PLXDC2: variants seen among roughly 807,000 people sequenced by gnomAD.
PLXDC2 encodes plexin domain containing 2.
Under a neutral mutation model 68.9 loss-of-function variants are expected in PLXDC2, and 40 were observed. The ratio of observed to expected loss-of-function variants is 0.58; its 90% CI spans 0.45 to 0.76. The LOEUF is 0.76. Ranked by LOEUF, PLXDC2 falls within the 30% of genes least tolerant of loss-of-function variation. PLXDC2 has a pLI of 0.00. For synonymous variants in PLXDC2, 243 were observed against 234.2 expected (o/e 1.04, Z -0.34); for missense variants, 644 against 661.9 (o/e 0.97, Z 0.30).
rs140974118 is a variant in PLXDC2 at position 19,921,401 on chromosome 10, G to A, written c.113-80374G>A. Among the ~76,000 whole-genome samples, 122 of 152,188 alleles carry A rather than the reference G, an allele frequency of 8.0e-4. 1 individual carries two copies. The East Asian group carries it at 0.019, about 24-fold the overall frequency. ...AGGGACAGTTTCATCCCTGTTGGCC[G>A]TCTTCCTCGTAACTAATAATGAGAA... On this transcript the variant is annotated intron_variant, in intron 1 of 13. Coordinates refer to ENST00000377252, the MANE Select transcript of PLXDC2 (RefSeq NM_032812.9).
intron 2 of PLXDC2, among the ~76,000 whole-genome samples, chr10:20,011,006 T>C (rs1835103503): frequency 6.6e-6 from 1 of 152,200 alleles, no homozygotes; most frequent in East Asian, 1.9e-4. Context: ...TATACTAATT[T>C]CCAAGAGGAC....
chr10:20,277,649 T>C (rs1449458536), intron 13 of PLXDC2, among the ~76,000 whole-genome samples: 3 of 152,218 alleles, frequency 2.0e-5, no homozygotes, highest in South Asian at 2.1e-4. Flanking sequence ...AAGTTGTTAC[T>C]CTTTGCTTGG....
At chr10:20,177,276 C>T in intron 8 of PLXDC2, 52 bp from the exon 9 acceptor site, 1 of 1,454,126 alleles carries the variant, frequency 6.9e-7, no homozygotes, top group Non-Finnish European at 9.7e-7. Flanking sequence ...AATCTCTTTC[C>T]CCTCCAAGTT....
rs528894932 is a variant in PLXDC2, at chr10:20,164,578, G to A, written c.883+11G>A. The A allele has an allele frequency of 1.3e-6, 2 of 1,595,296 alleles. No individual in the cohort carries two copies. The highest frequency in any genetic ancestry group is 2.2e-5 in the East Asian group (1 of 44,622). On this transcript the variant is annotated intron_variant, in intron 7 of 13. Coordinates refer to ENST00000377252, the MANE Select transcript of PLXDC2 (RefSeq NM_032812.9). The stretch of plus-strand genomic sequence containing the variant: ...TCCAACAAATTCCCAGTACGTAGAA[G>A]AAGGGCAGTCGCAATGAGTGAGCCT...
At chr10:20,202,901 A>G (rs1834940171) in intron 9 of PLXDC2, among the ~76,000 whole-genome samples, 1 of 152,124 alleles carries the variant, frequency 6.6e-6, no homozygotes, top group Non-Finnish European at 1.5e-5. Context: ...GTTTTAATGC[A>G]TCGCAATTTC....
chr10:20,058,053 T>C (rs942338044), intron 3 of PLXDC2, among the ~76,000 whole-genome samples: 1 of 152,164 alleles, frequency 6.6e-6, no homozygotes, highest in Non-Finnish European at 1.5e-5. Flanking sequence ...AAATTGAACT[T>C]GGTCTAACTT....
intron 3 of PLXDC2, among the ~76,000 whole-genome samples, chr10:20,063,825 CA>C (rs2131701933): frequency 6.6e-6 from 1 of 152,214 alleles, no homozygotes; most frequent in East Asian, 1.9e-4. Context: ...AAATTTACTG[CA>C]AACCACCTGG....
intron 4 of PLXDC2, among the ~76,000 whole-genome samples, chr10:20,107,827 G>T (rs1021144053): frequency 3.3e-5 from 5 of 152,024 alleles, no homozygotes; most frequent in African/African-American, 1.2e-4. Context: ...AGGCATAAGG[G>T]TGTATATATT....
intron 3 of PLXDC2, among the ~76,000 whole-genome samples, chr10:20,050,886 A>G (rs1564296727): frequency 6.6e-6 from 1 of 152,132 alleles, no homozygotes; most frequent in Non-Finnish European, 1.5e-5. Flanking sequence ...ATTACTGGGT[A>G]TATAGCCAGA....
In PLXDC2 at chr10:20,281,143, A is replaced by G. The variant is rs1187219630; in HGVS notation, c.*1324A>G. 1 of 152,012 alleles carries G rather than the reference A, an allele frequency of 6.6e-6. No individual in the cohort carries two copies. The highest frequency in any genetic ancestry group is 2.1e-4 in the South Asian group (1 of 4,836). The allele number at this position is 152,012 out of a possible 1,614,324, so 9.4% of individuals were successfully genotyped here. ...GACTATTTGATCCACTTTTTCGTTT[A>G]TGTCAACCCCTTCCCTCTCTGGCTA... is the stretch of plus-strand genomic sequence containing the variant. On this transcript the variant is annotated 3_prime_UTR_variant, in exon 14 of 14. Transcript: ENST00000377252.
intron 9 of PLXDC2, among the ~76,000 whole-genome samples, chr10:20,199,248 G>A (rs1834885778): frequency 6.6e-6 from 1 of 151,834 alleles, no homozygotes; most frequent in Admixed American, 6.6e-5. Flanking sequence ...GTTAACATTA[G>A]CAAACTGAGA....
Position 19,818,079 on chromosome 10 carries a change from G to C in PLXDC2, c.112+888G>C, listed in dbSNP as rs184912679. 5.2e-3 allele frequency among the ~76,000 whole-genome samples: 785 copies of C among 152,252 alleles called. 7 individuals carry two copies. The highest frequency in any genetic ancestry group is 0.017 in the African/African-American group (706 of 41,544). ...AAGAAAGTGAAGACACAGGCAGAAA[G>C]AGATCTTGGCAGAAATTGGTGAACT... On this transcript the variant is annotated intron_variant, in intron 1 of 13. Coordinates refer to ENST00000377252, the MANE Select transcript of PLXDC2 (RefSeq NM_032812.9).
intron 2 of PLXDC2, among the ~76,000 whole-genome samples, chr10:20,021,298 G>A (rs879686911): frequency 5.3e-5 from 8 of 151,706 alleles, no homozygotes; most frequent in Middle Eastern, 6.8e-3. Flanking sequence ...GGATACATGC[G>A]CAGAATGTGC....
At chr10:20,118,376 G>A (rs1402698713) in intron 4 of PLXDC2, among the ~76,000 whole-genome samples, 1 of 152,124 alleles carries the variant, frequency 6.6e-6, no homozygotes, top group African/African-American at 2.4e-5. Context: ...TGGGCTGGGG[G>A]AGAGAAGGAG....
intron 7 of PLXDC2, among the ~76,000 whole-genome samples, chr10:20,165,831 T>G (rs1834367400): frequency 6.6e-6 from 1 of 152,170 alleles, no homozygotes; most frequent in South Asian, 2.1e-4. Context: ...AAATGCTAAC[T>G]GCATTAGCCA....
intron 4 of PLXDC2, among the ~76,000 whole-genome samples, chr10:20,124,535 C>CGTG (rs1564323866): frequency 6.6e-6 from 1 of 152,130 alleles, no homozygotes; most frequent in Non-Finnish European, 1.5e-5. Context: ...CACCAAATTT[C>CGTG]CTGCGTGTCT....
intron 1 of PLXDC2, among the ~76,000 whole-genome samples, chr10:19,934,482 C>A (rs756115176): frequency 6.6e-6 from 1 of 152,174 alleles, no homozygotes; most frequent in African/African-American, 2.4e-5. Flanking sequence ...TCAGACCCAA[C>A]GTAAGTGCAC....
chr10:19,999,476 C>T (rs1834894831), intron 1 of PLXDC2, among the ~76,000 whole-genome samples: 2 of 148,070 alleles, frequency 1.4e-5, no homozygotes, highest in South Asian at 2.2e-4. Flanking sequence ...TTTTAAATAC[C>T]ATTTTTTTTA....
chr10:20,168,299 TA>T (rs1834400783), intron 7 of PLXDC2, among the ~76,000 whole-genome samples: 2 of 152,174 alleles, frequency 1.3e-5, no homozygotes, highest in Non-Finnish European at 2.9e-5. Flanking sequence ...TCTTAGTACC[TA>T]AAAATGCAAT....
Sources: gnomAD v4.1 joint callset for allele counts (sites outside exome capture counted in the v4.1 genomes callset) on GRCh38, gnomAD v4.1.1 for gene constraint, MANE v1.5 for transcripts, NCBI Gene and HGNC (gene_info 2026-07-23, HGNC 2026-07-21) for gene names.